The following PRKG1 variants were observed in gnomAD, a reference collection of about 807,000 sequenced individuals.
The protein encoded by PRKG1 is cGMP-dependent protein kinase 1.
In PRKG1, 35 loss-of-function variants were observed where a neutral mutation model predicts 88.1. The observed-to-expected ratio is 0.40, with a 90% CI of 0.30 to 0.53. The LOEUF is 0.53. PRKG1 is among the 20% of genes least tolerant of loss of function. The pLI is 0.59. For synonymous variants in PRKG1, 303 were observed against 292.5 expected, an observed-to-expected ratio of 1.04 and a Z score of -0.37; for missense variants, 540 against 839.8, an observed-to-expected ratio of 0.64 and a Z score of 4.41.
intron 5 of PRKG1, among the ~76,000 whole-genome samples, chr10:52,050,217 G>C (rs1353238080): frequency 1.3e-5 from 2 of 152,062 alleles, no homozygotes; most frequent in Non-Finnish European, 2.9e-5. Flanking sequence ...ATCTCAGAAG[G>C]CTGGCAGGGC....
At chr10:51,022,605 C>T (rs1843153603) in intron 1 of PRKG1, among the ~76,000 whole-genome samples, 1 of 151,940 alleles carries the variant, frequency 6.6e-6, no homozygotes, top group Non-Finnish European at 1.5e-5. Context: ...TAAACTTAGC[C>T]CAAGTGAGCT....
chr10:51,251,008 T>C (rs1260825429), intron 2 of PRKG1, among the ~76,000 whole-genome samples: 6 of 151,742 alleles, frequency 4.0e-5, no homozygotes. Flanking sequence ...CCTGCCCAAC[T>C]CTACAGACAG....
At chr10:51,642,678 C>T (rs1839829010) in intron 3 of PRKG1, among the ~76,000 whole-genome samples, 1 of 152,038 alleles carries the variant, frequency 6.6e-6, no homozygotes, top group African/African-American at 2.4e-5. Flanking sequence ...TTTGGTCATG[C>T]TAGTTCTTAG....
At chr10:51,750,040 A>T (rs928042182) in intron 3 of PRKG1, among the ~76,000 whole-genome samples, 2 of 149,040 alleles carry the variant, frequency 1.3e-5, no homozygotes, top group African/African-American at 5.0e-5. Context: ...GGTTTAAGCG[A>T]TTCTCCTGTC....
intron 2 of PRKG1, among the ~76,000 whole-genome samples, chr10:51,174,176 T>G (rs926230814): frequency 6.6e-6 from 1 of 151,914 alleles, no homozygotes; most frequent in African/African-American, 2.4e-5. Context: ...TAAAACATCA[T>G]GTTGGGCACT....
At chr10:51,798,327 A>C (rs1839073967) in intron 3 of PRKG1, among the ~76,000 whole-genome samples, 1 of 151,996 alleles carries the variant, frequency 6.6e-6, no homozygotes, top group Non-Finnish European at 1.5e-5. Flanking sequence ...TATATTTTTT[A>C]ATAAAATAAT....
chr10:51,876,223 T>TACAC (rs3029926), intron 4 of PRKG1, among the ~76,000 whole-genome samples: 1,672 of 150,204 alleles, frequency 0.011, 18 homozygotes, highest in Middle Eastern at 0.035. Flanking sequence ...ATATTTGTGT[T>TACAC]ACACACACAC....
intron 5 of PRKG1, among the ~76,000 whole-genome samples, chr10:52,006,965 T>C (rs1844752147): frequency 6.6e-6 from 1 of 152,076 alleles, no homozygotes; most frequent in African/African-American, 2.4e-5. Flanking sequence ...ATTGGGGACA[T>C]GTATTCAGCT....
At chr10:51,615,919 C>A (rs1357734440) in intron 3 of PRKG1, among the ~76,000 whole-genome samples, 1 of 152,034 alleles carries the variant, frequency 6.6e-6, no homozygotes, top group Admixed American at 6.6e-5. Flanking sequence ...ACCTTGATAT[C>A]TGCACATCTG....
intron 8 of PRKG1, among the ~76,000 whole-genome samples, chr10:52,154,121 C>T (rs1254380382): frequency 1.3e-5 from 2 of 152,104 alleles, no homozygotes; most frequent in Non-Finnish European, 2.9e-5. Context: ...CTAGTTCTAT[C>T]AATTGCTCCT....
chr10:51,415,005 C>T (rs293241), intron 2 of PRKG1, among the ~76,000 whole-genome samples: 117,406 of 152,160 alleles, frequency 0.77, 45,816 homozygotes, highest in African/African-American at 0.86. Context: ...AAGGGCTTCA[C>T]ATGTATTAAC....
At chr10:52,228,366 G>T (rs1410491434) in intron 9 of PRKG1, among the ~76,000 whole-genome samples, 1 of 152,100 alleles carries the variant, frequency 6.6e-6, no homozygotes, top group African/African-American at 2.4e-5. Flanking sequence ...AAGGAATCTG[G>T]TCTGGAAGGA....
chr10:51,534,617 A>G (rs945159500), intron 3 of PRKG1, among the ~76,000 whole-genome samples: 36 of 149,428 alleles, frequency 2.4e-4, no homozygotes, highest in Non-Finnish European at 4.3e-4. Context: ...CAGTGAGCCG[A>G]GATCACGCCA....
At position 51,378,996 on chromosome 10, in the gene PRKG1, A is replaced by G. The variant is rs191729681; in HGVS notation, c.479-88727A>G. On this transcript the variant is annotated intron_variant, in intron 2 of 17. Coordinates refer to ENST00000373980, the MANE Select transcript of PRKG1 (RefSeq NM_006258.4). ...GGTAGGGTTTATGCTGACCTTGAAT[A>G]TATTTTTATCTTATAGCACAGTCAT... 2.6e-5 allele frequency among the ~76,000 whole-genome samples: 4 copies of G among 152,272 alleles called. No individual in the cohort carries two copies. In the East Asian group the frequency reaches 7.7e-4, roughly 29 times the overall value.
chr10:51,596,109 G>A (rs570030831), intron 3 of PRKG1, among the ~76,000 whole-genome samples: 3 of 152,096 alleles, frequency 2.0e-5, no homozygotes, highest in East Asian at 3.9e-4. Context: ...GATTACAGGC[G>A]TGAGTCACCT....
At chr10:51,221,448 A>G (rs1469015205) in intron 2 of PRKG1, among the ~76,000 whole-genome samples, 1 of 152,116 alleles carries the variant, frequency 6.6e-6, no homozygotes, top group African/African-American at 2.4e-5. Flanking sequence ...CTCTCTTTGT[A>G]TAAGTTCCAA....
In PRKG1 at chr10:51,003,340, C is replaced by T. The variant is rs79711210; in HGVS notation, c.266+11696C>T. On this transcript the variant is annotated intron_variant, in intron 1 of 17. Transcript: ENST00000401604. ...CGAAGTATAGCAGCAGGGTTTGAAG[C>T]ATGCTACATTGAAATCCCCCGGTTA... Among the ~76,000 whole-genome samples the T allele has an allele frequency of 1.6e-3, 238 of 152,308 alleles. 2 individuals carry two copies. The East Asian group carries it at 0.025, about 16-fold the overall frequency.
chr10:51,703,036 C>T (rs1049120804), intron 3 of PRKG1, among the ~76,000 whole-genome samples: 5 of 152,060 alleles, frequency 3.3e-5, no homozygotes, highest in African/African-American at 1.2e-4. Flanking sequence ...TTGCTTTGGG[C>T]CTTCATTTAT....
intron 3 of PRKG1, among the ~76,000 whole-genome samples, chr10:51,629,413 T>C (rs563275381): frequency 4.6e-5 from 7 of 151,852 alleles, no homozygotes; most frequent in African/African-American, 1.7e-4. Flanking sequence ...GTAGAATCAC[T>C]GGGAGCTCTG....
Sources: allele counts gnomAD v4.1 joint callset (sites outside exome capture counted in the v4.1 genomes callset), GRCh38; gene constraint gnomAD v4.1.1; transcripts MANE v1.5; gene names NCBI Gene and HGNC (gene_info 2026-07-23, HGNC 2026-07-21).